Variants in CCDC60 observed in about 807,000 individuals in gnomAD.
CCDC60 encodes coiled-coil domain-containing protein 60.
CCDC60 carries 54 observed loss-of-function variants against 63.5 expected under a neutral mutation model. The observed-to-expected ratio is 0.85, with a 90% CI of 0.68 to 1.07. The LOEUF (loss-of-function observed/expected upper bound fraction) is 1.07. Among genes scored for constraint, CCDC60 ranks in the 50% least tolerant of loss-of-function variants. The pLI, the probability that CCDC60 is intolerant of heterozygous loss-of-function variation, is 0.00. For synonymous variants in CCDC60, 206 were observed against 238.8 expected (o/e 0.86, Z 1.27); for missense variants, 651 against 684.3 (o/e 0.95, Z 0.54).
chr12:119,343,303 T>C (rs1850439549), intron 1 of CCDC60, among the ~76,000 whole-genome samples: 1 of 152,176 alleles, frequency 6.6e-6, no homozygotes, highest in South Asian at 2.1e-4. Flanking sequence ...ATTAGCCGCG[T>C]CTGGCAATCG....
intron 1 of CCDC60, among the ~76,000 whole-genome samples, chr12:119,427,870 T>G (rs1956928517): frequency 6.6e-6 from 1 of 152,206 alleles, no homozygotes; most frequent in South Asian, 2.1e-4. Context: ...GGCTTGAACC[T>G]GTAATCCTAA....
rs1952485303 is a variant in CCDC60 at position 119,520,193 on chromosome 12, G to A, written c.1040+1G>A. On this transcript the variant is annotated splice_donor_variant, in intron 9 of 13. Transcript: ENST00000327554. LOFTEE classifies it high-confidence loss of function. ...AAATGCAGACCACTCTCAAATCAAG[G>A]TAGGAAAGCCTGGAGCCTGCAGCAG... 6.2e-7 allele frequency: 1 copy of A among 1,613,432 alleles called. No individual in the cohort carries two copies. Among genetic ancestry groups the A allele is most frequent in the African/African-American group, 1.3e-5 (1 of 74,896 alleles).
intron 7 of CCDC60, among the ~76,000 whole-genome samples, chr12:119,513,700 GA>G (rs1952275212): frequency 6.6e-6 from 1 of 152,184 alleles, no homozygotes; most frequent in Non-Finnish European, 1.5e-5. Context: ...GAGTGAAGCT[GA>G]AAAATTCCTA....
chr12:119,487,153 C>T (rs1392464277), intron 4 of CCDC60, among the ~76,000 whole-genome samples: 2 of 152,150 alleles, frequency 1.3e-5, no homozygotes, highest in Non-Finnish European at 2.9e-5. Flanking sequence ...AGAGCACAGA[C>T]ATGGAGTTAA....
rs1955862285 is a variant in CCDC60, at chr12:119,368,192, G to A, written c.90+32926G>A. ...GGAAGGGGAGGAGGAGAAAAAGGAG[G>A]GGGAAGGGCAGGAGGAGGAGGGGGA... On this transcript the variant is annotated intron_variant, in intron 1 of 13. Transcript: ENST00000327554. 4.7e-5 allele frequency among the ~76,000 whole-genome samples: 6 copies of A among 127,916 alleles called. No homozygotes were observed. In the South Asian group the frequency reaches 1.5e-3, roughly 33 times the overall value. The allele number at this position is 127,916 out of a possible 152,430, so 83.9% of individuals were successfully genotyped here.
chr12:119,387,754 A>AGGC (rs1956085754), intron 1 of CCDC60, among the ~76,000 whole-genome samples: 3 of 152,220 alleles, frequency 2.0e-5, no homozygotes, highest in Admixed American at 6.5e-5. Context: ...AAATTTACCT[A>AGGC]ATTGCTTTTA....
intron 1 of CCDC60, among the ~76,000 whole-genome samples, chr12:119,367,691 T>G (rs1022242738): frequency 1.3e-5 from 2 of 152,048 alleles, no homozygotes; most frequent in Non-Finnish European, 2.9e-5. Flanking sequence ...TATTCAGTCA[T>G]GAGAAGGAAT....
chr12:119,507,519 T>TATATACATATATATACACATATATATAC (rs1952044462), intron 7 of CCDC60, among the ~76,000 whole-genome samples: 1 of 94,576 alleles, frequency 1.1e-5, no homozygotes, highest in Non-Finnish European at 2.0e-5. Flanking sequence ...TATATATACA[T>TATATACATATATATACACATATATATAC]ATATATACAC....
intron 13 of CCDC60, among the ~76,000 whole-genome samples, chr12:119,534,156 T>C (rs1952935561): frequency 6.6e-6 from 1 of 152,194 alleles, no homozygotes; most frequent in Non-Finnish European, 1.5e-5. Flanking sequence ...GTTGGTTTCC[T>C]AGGTATTTTA....
At chr12:119,496,924 G>T (rs1383556615) in intron 5 of CCDC60, among the ~76,000 whole-genome samples, 3 of 152,222 alleles carry the variant, frequency 2.0e-5, no homozygotes, top group African/African-American at 7.2e-5. Flanking sequence ...AGTAAGTTAG[G>T]CTGCCATAAT....
chr12:119,510,967 T>G (rs971477825), intron 7 of CCDC60, among the ~76,000 whole-genome samples: 1 of 152,142 alleles, frequency 6.6e-6, no homozygotes, highest in African/African-American at 2.4e-5. Context: ...CTTGTATGCA[T>G]AGAAAGAATC....
intron 2 of CCDC60, among the ~76,000 whole-genome samples, chr12:119,465,045 C>T (rs1022854210): frequency 6.6e-6 from 1 of 152,238 alleles, no homozygotes; most frequent in African/African-American, 2.4e-5. Flanking sequence ...GGCGCGGTGG[C>T]TCATGCCTGT....
At chr12:119,415,268 C>T (rs1364352215) in intron 1 of CCDC60, among the ~76,000 whole-genome samples, 1 of 152,122 alleles carries the variant, frequency 6.6e-6, no homozygotes, top group Non-Finnish European at 1.5e-5. Context: ...AAGGATAAAC[C>T]ACAGCTAACA....
chr12:119,411,604 T>C (rs1263835496), intron 1 of CCDC60, among the ~76,000 whole-genome samples: 1 of 152,064 alleles, frequency 6.6e-6, no homozygotes, highest in Non-Finnish European at 1.5e-5. Context: ...GTAAAAGGTT[T>C]TACTTTTTCT....
At chr12:119,340,268 G>T (rs1192313751) in intron 1 of CCDC60, among the ~76,000 whole-genome samples, 1 of 152,158 alleles carries the variant, frequency 6.6e-6, no homozygotes, top group African/African-American at 2.4e-5. Context: ...CTTAATGTGG[G>T]TAATGCTGTT....
At chr12:119,400,606 G>C (rs1321585545) in intron 1 of CCDC60, among the ~76,000 whole-genome samples, 1 of 152,184 alleles carries the variant, frequency 6.6e-6, no homozygotes, top group Non-Finnish European at 1.5e-5. Context: ...TTAATCCAGT[G>C]GTTCTCAGAC....
At chr12:119,499,491 A>G (rs539223373) in intron 5 of CCDC60, among the ~76,000 whole-genome samples, 33 of 152,360 alleles carry the variant, frequency 2.2e-4, no homozygotes, top group Admixed American at 5.9e-4. Flanking sequence ...TGAAAATGGG[A>G]TGACAATGAC....
chr12:119,526,185 G>C (rs1401617922), intron 11 of CCDC60, among the ~76,000 whole-genome samples: 3 of 152,178 alleles, frequency 2.0e-5, no homozygotes, highest in Non-Finnish European at 2.9e-5. Flanking sequence ...TTCAATAAAT[G>C]GTGCTGGGAT....
At position 119,507,612 on chromosome 12, in the gene CCDC60, A is replaced by ATTTT. The variant is rs1271195617; in HGVS notation, c.883+2310_883+2311insTTTT. Among the ~76,000 whole-genome samples, 15 of 45,396 alleles carry ATTTT rather than the reference A, an allele frequency of 3.3e-4. 1 individual carries two copies. Among genetic ancestry groups the ATTTT allele is most frequent in the African/African-American group, 4.1e-4 (5 of 12,246 alleles). The allele number at this position is 45,396 out of a possible 152,430, so 29.8% of individuals were successfully genotyped here. A position where few individuals can be genotyped will look rare whatever the true frequency, so the allele number is the denominator to read the frequency against. On this transcript the variant is annotated intron_variant, in intron 7 of 13. Coordinates refer to ENST00000327554, the MANE Select transcript of CCDC60 (RefSeq NM_178499.5). ...TATACATATATATATATATATATAT[A>ATTTT]TATTTTTTTTTTTTTTTTCTAGAAA...
Sources: allele counts gnomAD v4.1 joint callset (sites outside exome capture counted in the v4.1 genomes callset), GRCh38; gene constraint gnomAD v4.1.1; transcripts MANE v1.5; gene names NCBI Gene and HGNC (gene_info 2026-07-23, HGNC 2026-07-21).